Variants in TSPAN5 observed in about 807,000 individuals in gnomAD.
TSPAN5 encodes tetraspanin-5.
TSPAN5 carries 10 observed loss-of-function variants against 37.1 expected under a neutral mutation model. That is an observed-to-expected ratio of 0.27 (90% confidence interval 0.17 to 0.46). The LOEUF (loss-of-function observed/expected upper bound fraction) is 0.46, where lower values mean the gene tolerates loss of function less well. TSPAN5 is among the 20% of genes least tolerant of loss of function. The pLI, the probability that TSPAN5 is intolerant of heterozygous loss-of-function variation, is 1.00. For missense variants in TSPAN5, 195 were observed against 326.6 expected, an observed-to-expected ratio of 0.60 and a Z score of 3.11; for synonymous variants, 110 against 118.9, an observed-to-expected ratio of 0.93 and a Z score of 0.48.
rs138412269 is a variant in TSPAN5 at position 98,578,836 on chromosome 4, C to A, written c.82-71108G>T. On this transcript the variant is annotated intron_variant, in intron 1 of 7. Coordinates refer to ENST00000305798, the MANE Select transcript of TSPAN5 (RefSeq NM_005723.4). ...AGCAGACTCTCCCACCTCCCCAGTC[C>A]TCTCAGCCACCTTGGGAATTCTTTC... Among the ~76,000 whole-genome samples the A allele has an allele frequency of 7.2e-5, 11 of 152,242 alleles. No individual in the cohort carries two copies. In the East Asian group the frequency reaches 2.1e-3, roughly 29 times the overall value.
intron 1 of TSPAN5, among the ~76,000 whole-genome samples, chr4:98,632,780 G>C (rs1017653726): frequency 2.0e-5 from 3 of 152,160 alleles, no homozygotes; most frequent in African/African-American, 7.2e-5. Context: ...AACTTGACTG[G>C]GGATGGGGAG....
intron 4 of TSPAN5, among the ~76,000 whole-genome samples, chr4:98,480,134 T>C (rs1272938560): frequency 2.6e-5 from 4 of 152,188 alleles, no homozygotes; most frequent in South Asian, 4.1e-4. Flanking sequence ...GAGATCCCTG[T>C]TGCATTGCAG....
chr4:98,647,375 CACA>C (rs915594179), intron 1 of TSPAN5, among the ~76,000 whole-genome samples: 6 of 152,182 alleles, frequency 3.9e-5, no homozygotes, highest in African/African-American at 1.2e-4. Context: ...TTGTTGGAAG[CACA>C]ACATTATGCT....
intron 1 of TSPAN5, among the ~76,000 whole-genome samples, chr4:98,648,060 T>C (rs1757106414): frequency 6.6e-6 from 1 of 152,202 alleles, no homozygotes; most frequent in Non-Finnish European, 1.5e-5. Flanking sequence ...ATAACCCGGA[T>C]ATTCCACATT....
intron 1 of TSPAN5, among the ~76,000 whole-genome samples, chr4:98,598,479 G>T (rs559911949): frequency 3.8e-4 from 57 of 151,260 alleles, no homozygotes; most frequent in African/African-American, 1.3e-3. Flanking sequence ...TTTTTTTTGA[G>T]ACAGTGTTTC....
intron 1 of TSPAN5, among the ~76,000 whole-genome samples, chr4:98,545,704 G>A (rs1754453578): frequency 6.6e-6 from 1 of 152,006 alleles, no homozygotes; most frequent in African/African-American, 2.4e-5. Flanking sequence ...TAATTTCTTT[G>A]TATTTTTTGT....
intron 1 of TSPAN5, among the ~76,000 whole-genome samples, chr4:98,568,666 T>C (rs1578998735): frequency 6.6e-6 from 1 of 151,434 alleles, no homozygotes; most frequent in Admixed American, 6.6e-5. Context: ...CTTAAAAGGG[T>C]TTTGAGGAAA....
intron 1 of TSPAN5, among the ~76,000 whole-genome samples, chr4:98,551,164 G>T (rs1005234278): frequency 6.6e-6 from 1 of 152,084 alleles, no homozygotes; most frequent in African/African-American, 2.4e-5. Context: ...AATTCTGTCT[G>T]CATGATGTAT....
intron 2 of TSPAN5, among the ~76,000 whole-genome samples, chr4:98,490,867 T>C (rs1753069588): frequency 6.6e-6 from 1 of 152,148 alleles, no homozygotes; most frequent in Non-Finnish European, 1.5e-5. Flanking sequence ...GAGACCATCC[T>C]GGCTAACATG....
At chr4:98,648,190 C>T (rs1170312827) in intron 1 of TSPAN5, among the ~76,000 whole-genome samples, 2 of 152,184 alleles carry the variant, frequency 1.3e-5, no homozygotes, top group African/African-American at 2.4e-5. Context: ...GTCCCCTCCA[C>T]AGCATTACAG....
intron 1 of TSPAN5, among the ~76,000 whole-genome samples, chr4:98,528,314 G>C (rs1349619512): frequency 6.6e-6 from 1 of 151,742 alleles, no homozygotes; most frequent in Non-Finnish European, 1.5e-5. Flanking sequence ...AGAAATAGAA[G>C]ACTGGTATAA....
In TSPAN5 at chr4:98,556,775, A is replaced by G. The variant is rs560696279; in HGVS notation, c.82-49047T>C. 1.1e-3 allele frequency among the ~76,000 whole-genome samples: 163 copies of G among 152,302 alleles called. 3 individuals are homozygous for G. In the South Asian group the frequency reaches 0.033, roughly 30 times the overall value. On this transcript the variant is annotated intron_variant, in intron 1 of 7. Coordinates refer to ENST00000305798, the MANE Select transcript of TSPAN5 (RefSeq NM_005723.4). ...CTTCTGTGGATTGAGATAGGCCATT[A>G]TTCATTTTTAGCAGTGGGGACTACT...
At chr4:98,477,276 A>C (rs775551321) in intron 5 of TSPAN5, among the ~76,000 whole-genome samples, 19 of 152,194 alleles carry the variant, frequency 1.2e-4, no homozygotes, top group Non-Finnish European at 1.6e-4. Context: ...TCTCCTCAGA[A>C]GGGAGAGGAG....
chr4:98,622,915 T>G (rs1427971564), intron 1 of TSPAN5, among the ~76,000 whole-genome samples: 1 of 152,150 alleles, frequency 6.6e-6, no homozygotes, highest in Admixed American at 6.5e-5. Context: ...ATTATAATAT[T>G]GGTGGACTAA....
At chr4:98,542,719 TAAAAAAAAA>T (rs11326064) in intron 1 of TSPAN5, among the ~76,000 whole-genome samples, 1 of 101,812 alleles carries the variant, frequency 9.8e-6, no homozygotes, top group African/African-American at 3.9e-5. Context: ...CTCATCTCTT[TAAAAAAAAA>T]AAAAAAAAAA....
At chr4:98,637,247 G>C (rs1756875682) in intron 1 of TSPAN5, among the ~76,000 whole-genome samples, 1 of 152,170 alleles carries the variant, frequency 6.6e-6, no homozygotes, top group South Asian at 2.1e-4. Flanking sequence ...CACAACTCCA[G>C]GGAGCATCAC....
At chr4:98,604,116 C>T (rs1197890529) in intron 1 of TSPAN5, among the ~76,000 whole-genome samples, 4 of 151,964 alleles carry the variant, frequency 2.6e-5, no homozygotes, top group South Asian at 4.2e-4. Context: ...ATTTCAATCA[C>T]GCAGCACTGC....
intron 1 of TSPAN5, among the ~76,000 whole-genome samples, chr4:98,646,953 A>C (rs962068223): frequency 6.6e-6 from 1 of 152,210 alleles, no homozygotes; most frequent in Non-Finnish European, 1.5e-5. Context: ...AATAATATTA[A>C]TACTACTAAA....
intron 1 of TSPAN5, among the ~76,000 whole-genome samples, chr4:98,623,981 T>C (rs1756536095): frequency 6.6e-6 from 1 of 152,222 alleles, no homozygotes; most frequent in South Asian, 2.1e-4. Flanking sequence ...ATATGATTGA[T>C]GTTAGGACCC....
Sources: gnomAD v4.1 joint callset for allele counts (sites outside exome capture counted in the v4.1 genomes callset) on GRCh38, gnomAD v4.1.1 for gene constraint, MANE v1.5 for transcripts, NCBI Gene and HGNC (gene_info 2026-07-23, HGNC 2026-07-21) for gene names.